The following NPNT variants were observed in gnomAD, a reference collection of about 807,000 sequenced individuals.
The protein encoded by NPNT is preosteoblast EGF-like repeat protein with MAM domain.
NPNT carries 45 observed loss-of-function variants against 68.6 expected under a neutral mutation model. That is an observed-to-expected ratio of 0.66 (90% confidence interval 0.52 to 0.84). NPNT has a LOEUF of 0.84. Ranked by LOEUF, NPNT falls within the 40% of genes least tolerant of loss-of-function variation. The pLI, the probability that NPNT is intolerant of heterozygous loss-of-function variation, is 0.00. For synonymous variants in NPNT, 233 were observed against 253.3 expected (o/e 0.92, Z 0.76); for missense variants, 672 against 714.8 (o/e 0.94, Z 0.68).
At chr4:105,925,253 T>A (rs1728598474) in intron 2 of NPNT, among the ~76,000 whole-genome samples, 1 of 152,196 alleles carries the variant, frequency 6.6e-6, no homozygotes, top group Non-Finnish European at 1.5e-5. Context: ...AAATCAGATT[T>A]TAAGAATTTT....
chr4:105,927,220 C>G (rs1728751675), intron 2 of NPNT, 116 bp from the exon 3 acceptor site: 1 of 615,684 alleles, frequency 1.6e-6, no homozygotes. Flanking sequence ...ACTTTGGCTA[C>G]TTTGTTGTAA....
Position 105,935,550 on chromosome 4 carries a change from G to A in NPNT, c.266-1459G>A, listed in dbSNP as rs950810238. On this transcript the variant is annotated intron_variant, in intron 3 of 11. Transcript: ENST00000379987. ...TTTTTGATACTGTAATCTGCATGGC[G>A]CTTTCTGTGAGGAAATTTTTTTTGA... Among the ~76,000 whole-genome samples the A allele has an allele frequency of 4.6e-5, 7 of 152,234 alleles. No individual in the cohort carries two copies. The East Asian group carries it at 9.6e-4, about 21-fold the overall frequency.
At chr4:105,929,793 C>G (rs2149358251) in intron 3 of NPNT, among the ~76,000 whole-genome samples, 1 of 152,300 alleles carries the variant, frequency 6.6e-6, no homozygotes, top group East Asian at 1.9e-4. Flanking sequence ...GCAGAAGCTG[C>G]ATCAACTTTA....
intron 8 of NPNT, among the ~76,000 whole-genome samples, chr4:105,954,944 C>T: frequency 6.6e-6 from 1 of 152,136 alleles, no homozygotes; most frequent in Middle Eastern, 3.2e-3. Context: ...CAAGAGTATG[C>T]CCAATGCTTT....
At chr4:105,957,333 C>T (rs1731311817) in intron 8 of NPNT, among the ~76,000 whole-genome samples, 1 of 152,138 alleles carries the variant, frequency 6.6e-6, no homozygotes. Flanking sequence ...CTTGTCTACC[C>T]CGTTCACCCT....
At chr4:105,947,449 G>T (rs1225557253) in intron 8 of NPNT, among the ~76,000 whole-genome samples, 1 of 152,158 alleles carries the variant, frequency 6.6e-6, no homozygotes, top group Non-Finnish European at 1.5e-5. Context: ...ATGTTCCTCT[G>T]CTGCAGCTCC....
chr4:105,901,382 T>C (rs1726404765), intron 2 of NPNT, among the ~76,000 whole-genome samples: 1 of 152,228 alleles, frequency 6.6e-6, no homozygotes, highest in African/African-American at 2.4e-5. Flanking sequence ...ACTTCCTTAA[T>C]GTAGAAAAAC....
At chr4:105,939,122 A>G (rs182112817) in intron 5 of NPNT, among the ~76,000 whole-genome samples, 1 of 152,328 alleles carries the variant, frequency 6.6e-6, no homozygotes, top group Non-Finnish European at 1.5e-5. Flanking sequence ...GCAGTGGCCT[A>G]AGCACACAAG....
At chr4:105,909,255 G>C (rs895550944) in intron 2 of NPNT, among the ~76,000 whole-genome samples, 2 of 152,062 alleles carry the variant, frequency 1.3e-5, no homozygotes, top group Non-Finnish European at 2.9e-5. Context: ...CATGATTATA[G>C]AAGTATTTTA....
rs748094356 is a variant in NPNT at position 105,967,206 on chromosome 4, T to C, written c.1364T>C (p.Val455Ala). Residue 455 changes from valine (V) to alanine (A), a missense_variant, in exon 11 of 12, where the codon GTG (valine) becomes GCG (alanine). Physicochemically the swap from Val to Ala is moderately conservative, Grantham distance 64 (BLOSUM62 0). Transcript: ENST00000379987. Reference protein sequence around the residue: ...RDPAGGQYLTVSAAKAPGGKA... With the variant: ...RDPAGGQYLTASAAKAPGGKA... ...ATTCCAGGTGGACAATATCTGACAG[T>C]GTCGGCAGCCAAAGCCCCAGGGGGA... 2 of 1,613,582 alleles carry C rather than the reference T, an allele frequency of 1.2e-6. No individual in the cohort carries two copies. Among genetic ancestry groups the C allele is most frequent in the Non-Finnish European group, 8.5e-7 (1 of 1,179,962 alleles).
At chr4:105,964,106 G>A (rs1578693296) in intron 10 of NPNT, among the ~76,000 whole-genome samples, 1 of 152,140 alleles carries the variant, frequency 6.6e-6, no homozygotes, top group East Asian at 1.9e-4. Flanking sequence ...GGGATAATAA[G>A]TACTATCCAC....
In NPNT at chr4:105,937,453, TA is replaced by T. The variant is rs750526355; in HGVS notation, c.385+341del. On this transcript the variant is annotated intron_variant, in intron 4 of 11. Coordinates refer to ENST00000379987, the MANE Select transcript of NPNT (RefSeq NM_001033047.3). ...TGGGCATAGAAGAATGATTCCAGGC[TA>T]AAAAAAAAAAAAAAAGAACACTACT... Among the ~76,000 whole-genome samples, 946 of 120,818 alleles carry T rather than the reference TA, an allele frequency of 7.8e-3. 3 individuals carry two copies. The highest frequency in any genetic ancestry group is 0.021 in the African/African-American group (680 of 32,698). The allele number at this position is 120,818 out of a possible 152,430, so 79.3% of individuals were successfully genotyped here.
intron 2 of NPNT, among the ~76,000 whole-genome samples, chr4:105,908,414 C>G (rs1727089257): frequency 6.6e-6 from 1 of 152,098 alleles, no homozygotes. Context: ...TTAGGGTTGC[C>G]TTTTGTAGAT....
At chr4:105,951,795 GC>G (rs1195278553) in intron 8 of NPNT, among the ~76,000 whole-genome samples, 1 of 152,150 alleles carries the variant, frequency 6.6e-6, no homozygotes, top group South Asian at 2.1e-4. Flanking sequence ...GTATAAATGG[GC>G]CCTTGGTGAT....
chr4:105,898,353 TC>T (rs1250814638), intron 2 of NPNT, among the ~76,000 whole-genome samples: 23 of 139,406 alleles, frequency 1.6e-4, no homozygotes, highest in African/African-American at 5.3e-4. Context: ...TCTCTCTCTC[TC>T]TCTCTCTCTC....
At position 105,903,802 on chromosome 4, in the gene NPNT, T is replaced by G. The variant is rs1022180155; in HGVS notation, c.172+5801T>G. ...TTCTTACTTTTTTTTTTTTTTTTTT[T>G]GAGATAGGGTCTTGCTCTGTCGCCC... On this transcript the variant is annotated intron_variant, in intron 2 of 11. Transcript: ENST00000379987. Among the ~76,000 whole-genome samples the G allele has an allele frequency of 1.1e-4, 16 of 150,454 alleles. No homozygotes were observed. The South Asian group carries it at 3.4e-3, about 32-fold the overall frequency.
At chr4:105,920,758 T>G (rs6833217) in intron 2 of NPNT, among the ~76,000 whole-genome samples, 5,005 of 152,166 alleles carry the variant, frequency 0.033, 249 homozygotes, top group African/African-American at 0.11. Context: ...AAAAATAAAA[T>G]GAGTTATTGA....
intron 2 of NPNT, among the ~76,000 whole-genome samples, chr4:105,899,569 C>T: frequency 6.6e-6 from 1 of 152,172 alleles, no homozygotes; most frequent in East Asian, 1.9e-4. Flanking sequence ...ATGTAATTGA[C>T]CCCCCGTGCA....
chr4:105,897,081 G>A (rs1018226085), intron 1 of NPNT, among the ~76,000 whole-genome samples: 1 of 152,192 alleles, frequency 6.6e-6, no homozygotes, highest in Non-Finnish European at 1.5e-5. Context: ...GTCTAAAACA[G>A]CAAATTAAAA....
Sources: gnomAD v4.1 joint callset for allele counts (sites outside exome capture counted in the v4.1 genomes callset) on GRCh38, gnomAD v4.1.1 for gene constraint, MANE v1.5 for transcripts, NCBI Gene and HGNC (gene_info 2026-07-23, HGNC 2026-07-21) for gene names.